CCDC40: variants seen among roughly 807,000 people sequenced by gnomAD.
CCDC40 encodes the protein coiled-coil domain-containing protein 40.
A neutral mutation model predicts 124.5 loss-of-function variants in CCDC40; 104 were observed. The ratio of observed to expected loss-of-function variants is 0.84; its 90% CI spans 0.71 to 0.98. CCDC40 has a LOEUF of 0.98. CCDC40 is among the 50% of genes least tolerant of loss of function. The pLI is 0.00. For missense variants in CCDC40, 1,463 were observed against 1,503.9 expected (o/e 0.97, Z 0.45); for synonymous variants, 580 against 602.9 (o/e 0.96, Z 0.56).
chr17:80,044,194 G>A (rs2037354760), intron 3 of CCDC40, among the ~76,000 whole-genome samples: 2 of 152,246 alleles, frequency 1.3e-5, no homozygotes, highest in African/African-American at 2.4e-5. Context: ...GCAAACGGTA[G>A]CTCTTGCTTC....
intron 10 of CCDC40, among the ~76,000 whole-genome samples, chr17:80,072,274 AT>A (rs2038211573): frequency 6.6e-6 from 1 of 152,206 alleles, no homozygotes; most frequent in African/African-American, 2.4e-5. Flanking sequence ...ATTTAAAAAA[AT>A]AATAATCCTT....
intron 2 of CCDC40, among the ~76,000 whole-genome samples, chr17:80,038,560 C>G (rs1384052533): frequency 1.3e-5 from 2 of 151,986 alleles, no homozygotes; most frequent in Non-Finnish European, 2.9e-5. Context: ...GGCACGGTGA[C>G]TCACGCCTGT....
intron 18 of CCDC40, among the ~76,000 whole-genome samples, chr17:80,095,947 C>T (rs978931670): frequency 6.6e-6 from 1 of 152,230 alleles, no homozygotes; most frequent in African/African-American, 2.4e-5. Context: ...TCCGCATACC[C>T]CAGGCCATGT....
chr17:80,048,546 A>G (rs780476441), intron 4 of CCDC40, 37 bp from the exon 5 acceptor site: 3 of 1,563,994 alleles, frequency 1.9e-6, no homozygotes, highest in African/African-American at 1.3e-5. Context: ...GCTTCTCTCC[A>G]GCAGCTCCTC....
At position 80,065,546 on chromosome 17, in the gene CCDC40, G is replaced by A. The variant is rs767392019; in HGVS notation, c.1502G>A (p.Ser501Asn). The change falls in exon 10 of 20, where the codon AGC becomes AAC. Residue 501 changes from serine to asparagine, a missense_variant. By Grantham distance (46) the Ser-to-Asn change is conservative. Coordinates refer to ENST00000397545, the MANE Select transcript of CCDC40 (RefSeq NM_017950.4). The stretch of plus-strand genomic sequence containing the variant: ...AGGCGCATCATGCAGCAATGGGCCA[G>A]CAGCCTGGTGGGCATGAAGCACCGC... Reference protein sequence around the residue: ...EKRRIMQQWASSLVGMKHRDE... With the variant: ...EKRRIMQQWANSLVGMKHRDE... 6.2e-7 allele frequency: 1 copy of A among 1,613,122 alleles called. No individual in the cohort carries two copies. The highest frequency in any genetic ancestry group is 8.5e-7 in the Non-Finnish European group (1 of 1,179,958).
chr17:80,072,725 G>C (rs1469309016), intron 10 of CCDC40, among the ~76,000 whole-genome samples: 2 of 152,086 alleles, frequency 1.3e-5, no homozygotes, highest in East Asian at 3.9e-4. Flanking sequence ...TCATGCTTTT[G>C]AGACCCACCC....
rs555782478 is a variant in CCDC40, at chr17:80,059,536, G to A, written c.1440+556G>A. ...TGAGTCACCATCTTCATTCACGGGT[G>A]CGGGAATGACACGGAGGAAACAATT... On this transcript the variant is annotated intron_variant, in intron 9 of 19. Transcript: ENST00000397545. Among the ~76,000 whole-genome samples the A allele has an allele frequency of 6.0e-4, 89 of 149,500 alleles. 1 individual carries two copies. Among genetic ancestry groups the A allele is most frequent in the African/African-American group, 1.4e-3 (55 of 40,500 alleles).
intron 10 of CCDC40, among the ~76,000 whole-genome samples, chr17:80,072,537 TA>T (rs2038218120): frequency 6.6e-6 from 1 of 152,164 alleles, no homozygotes; most frequent in African/African-American, 2.4e-5. Flanking sequence ...AGAAAATGAG[TA>T]ACTTATTTAC....
intron 1 of CCDC40, among the ~76,000 whole-genome samples, chr17:80,037,688 A>AAAAAAAAAAATATATATAT: frequency 4.6e-4 from 21 of 45,674 alleles, no homozygotes; most frequent in African/African-American, 1.2e-3. Context: ...TTTTTTAAAA[A>AAAAAAAAAAATATATATAT]AGATATACAT....
At chr17:80,067,161 C>T (rs2038066639) in intron 10 of CCDC40, 2 of 217,184 alleles carry the variant, frequency 9.2e-6, no homozygotes, top group East Asian at 1.2e-4. Flanking sequence ...CAAGGGAAGA[C>T]GTCACCTCCG....
chr17:80,097,933 A>AAG (rs1265055819), intron 19 of CCDC40: 2 of 118,918 alleles, frequency 1.7e-5, no homozygotes, highest in Non-Finnish European at 3.2e-5. Context: ...AAGAAAAGAA[A>AAG]AGAAAAGAAA....
chr17:80,052,251 G>C (rs1310273256), intron 7 of CCDC40, among the ~76,000 whole-genome samples: 1 of 152,222 alleles, frequency 6.6e-6, no homozygotes, highest in African/African-American at 2.4e-5. Context: ...TAGGCCGTCT[G>C]CAGGCTGAGG....
At chr17:80,070,792 C>T (rs943296654) in intron 10 of CCDC40, among the ~76,000 whole-genome samples, 1 of 152,146 alleles carries the variant, frequency 6.6e-6, no homozygotes, top group Admixed American at 6.6e-5. Context: ...AAAAGTGTCC[C>T]CAGACACAGG....
In CCDC40 at chr17:80,086,050, G is replaced by A. The variant is rs1212871650; in HGVS notation, c.2283G>A (p.Lys761=). The change falls in exon 14 of 20, where the codon AAG becomes AAA. Residue 761 remains lysine, a synonymous_variant. Transcript: ENST00000397545. The surrounding 1 kb of genome is among the most constrained non-coding windows in gnomAD (Gnocchi z 5.5). ...AGCTTGAAATCAAAAGGCTGAGCAA[G>A]CTGATCGACGAGCACGATGGCAAGG... ...PLELEIKRLS[K]LIDEHDGKAV... 2 of 1,614,168 alleles carry A rather than the reference G, an allele frequency of 1.2e-6. No homozygotes were observed. Among genetic ancestry groups the A allele is most frequent in the Admixed American group, 1.7e-5 (1 of 60,034 alleles).
intron 17 of CCDC40, chr17:80,092,175 A>T (rs935306199): frequency 6.6e-6 from 1 of 152,344 alleles, no homozygotes; most frequent in Non-Finnish European, 1.5e-5. Flanking sequence ...CTGGGATTAC[A>T]GGTGTGTGCC....
At chr17:80,041,048 T>G (rs1403855017) in intron 3 of CCDC40, among the ~76,000 whole-genome samples, 1 of 152,240 alleles carries the variant, frequency 6.6e-6, no homozygotes, top group Non-Finnish European at 1.5e-5. Flanking sequence ...TTATATTTTT[T>G]CATCAATTTT....
rs368610277 is a variant in CCDC40, at chr17:80,061,269, C to A, written c.1440+2289C>A. 7.4e-4 allele frequency among the ~76,000 whole-genome samples: 112 copies of A among 152,294 alleles called. 1 individual carries two copies. In the East Asian group the frequency reaches 0.018, roughly 24 times the overall value. ...GCTGAGGCAGGAGAATCGCTTGAAC[C>A]CAGGAGGCAGAAGTTGCAGTGAGCC... is the stretch of plus-strand genomic sequence containing the variant. On this transcript the variant is annotated intron_variant, in intron 9 of 19. Coordinates refer to ENST00000397545, the MANE Select transcript of CCDC40 (RefSeq NM_017950.4).
chr17:80,047,961 A>C lies in CCDC40; in HGVS notation c.676+559A>C, dbSNP rs73434947. On this transcript the variant is annotated intron_variant, in intron 4 of 19. Coordinates refer to ENST00000397545, the MANE Select transcript of CCDC40 (RefSeq NM_017950.4). ...CATTACTTGCAAATGACATGAAAAC[A>C]GCACGTGTCTAAATTAGTAAAAAAA... 5.8e-3 allele frequency among the ~76,000 whole-genome samples: 877 copies of C among 152,290 alleles called. 12 individuals are homozygous for C. The highest frequency in any genetic ancestry group is 0.02 in the African/African-American group (834 of 41,554).
In CCDC40 at chr17:80,066,259, A is replaced by G; in HGVS notation, c.1562+653A>G. ...TTGTGCCCAGCACAGAGCCTGGCAT[A>G]CAGCAAGCGCTCAAGAAAGGCTGGA... On this transcript the variant is annotated intron_variant, in intron 10 of 19. Transcript: ENST00000397545. This position sits in a 1 kb window ranked among gnomAD's most constrained non-coding sequence, Gnocchi z 4.4. 1.4e-6 allele frequency: 1 copy of G among 690,526 alleles called. No individual in the cohort carries two copies. The highest frequency in any genetic ancestry group is 2.6e-6 in the Non-Finnish European group (1 of 378,138). 42.8% of individuals were successfully genotyped at this position (690,526 alleles called of 1,614,324 possible).
Sources: allele counts gnomAD v4.1 joint callset (sites outside exome capture counted in the v4.1 genomes callset), GRCh38; gene constraint gnomAD v4.1.1; non-coding constraint Gnocchi (gnomAD v3.1); transcripts MANE v1.5; gene names NCBI Gene and HGNC (gene_info 2026-07-23, HGNC 2026-07-21).